The following FSTL5 variants were observed in gnomAD, a reference collection of about 807,000 sequenced individuals.
The protein encoded by FSTL5 is follistatin-related protein 5.
In FSTL5, 62 loss-of-function variants were observed where a neutral mutation model predicts 89.1. That is an observed-to-expected ratio of 0.70 (90% confidence interval 0.57 to 0.86). FSTL5 has a LOEUF of 0.86. FSTL5 is among the 40% of genes least tolerant of loss of function. The pLI is 0.00. For synonymous variants in FSTL5, 383 were observed against 346.2 expected, an observed-to-expected ratio of 1.11 and a Z score of -1.18; for missense variants, 1,057 against 1,001.6, an observed-to-expected ratio of 1.06 and a Z score of -0.75.
At chr4:161,473,226 T>G (rs1734010368) in intron 13 of FSTL5, among the ~76,000 whole-genome samples, 1 of 152,168 alleles carries the variant, frequency 6.6e-6, no homozygotes, top group Non-Finnish European at 1.5e-5. Flanking sequence ...GGTATTTCTA[T>G]CAATTATTGA....
At chr4:161,389,578 C>T (rs575724103) in intron 15 of FSTL5, among the ~76,000 whole-genome samples, 18 of 152,106 alleles carry the variant, frequency 1.2e-4, no homozygotes, top group Admixed American at 2.0e-4. Context: ...TAAGGGCTTT[C>T]ATTCCAAGCT....
chr4:161,979,335 T>C (rs1055532126), intron 3 of FSTL5, among the ~76,000 whole-genome samples: 2 of 152,162 alleles, frequency 1.3e-5, no homozygotes, highest in Non-Finnish European at 2.9e-5. Context: ...CCCACAGATA[T>C]ATGAGGGAAA....
intron 9 of FSTL5, among the ~76,000 whole-genome samples, chr4:161,539,359 A>G (rs1272450204): frequency 6.6e-6 from 1 of 152,112 alleles, no homozygotes; most frequent in Non-Finnish European, 1.5e-5. Context: ...AAACAGCTTG[A>G]TTGCCATCGC....
At chr4:162,138,652 A>G (rs187883264) in intron 1 of FSTL5, among the ~76,000 whole-genome samples, 32 of 152,212 alleles carry the variant, frequency 2.1e-4, no homozygotes, top group Middle Eastern at 3.4e-3. Context: ...AAAAAATAAT[A>G]AAATAAAATC....
intron 3 of FSTL5, among the ~76,000 whole-genome samples, chr4:161,932,130 G>A (rs534878087): frequency 2.0e-5 from 3 of 151,778 alleles, no homozygotes; most frequent in Non-Finnish European, 4.4e-5. Context: ...CAAAAAATAG[G>A]GTTCAAGTTG....
chr4:161,936,360 A>C (rs1363630617), intron 3 of FSTL5, among the ~76,000 whole-genome samples: 1 of 152,190 alleles, frequency 6.6e-6, no homozygotes, highest in African/African-American at 2.4e-5. Flanking sequence ...GGTATATTGA[A>C]GATATAAACA....
chr4:162,093,195 C>T (rs1730616588), intron 2 of FSTL5, among the ~76,000 whole-genome samples: 1 of 152,050 alleles, frequency 6.6e-6, no homozygotes. Flanking sequence ...TTCAGTGTTA[C>T]AATAGATACA....
chr4:161,775,183 A>G (rs1741363197), intron 5 of FSTL5, among the ~76,000 whole-genome samples: 1 of 152,152 alleles, frequency 6.6e-6, no homozygotes. Context: ...CCCCAAACCT[A>G]TATTCACTGT....
chr4:161,423,101 A>C (rs1732044233), intron 15 of FSTL5, among the ~76,000 whole-genome samples: 2 of 152,204 alleles, frequency 1.3e-5, no homozygotes, highest in Non-Finnish European at 2.9e-5. Context: ...CTTTATGTTT[A>C]AAAACTGATG....
intron 6 of FSTL5, among the ~76,000 whole-genome samples, chr4:161,703,194 C>G (rs1057381018): frequency 6.6e-6 from 1 of 152,040 alleles, no homozygotes; most frequent in Non-Finnish European, 1.5e-5. Context: ...AAATATATAT[C>G]TCTTATTTCA....
In FSTL5 at chr4:161,795,518, T is replaced by C. The variant is rs145892064; in HGVS notation, c.410-19444A>G. ...TCCTTCCTTCCTTTTGAAAAAATGA[T>C]TGTATATATTTAATGTGTTCAACAT... On this transcript the variant is annotated intron_variant, in intron 4 of 15. Coordinates refer to ENST00000306100, the MANE Select transcript of FSTL5 (RefSeq NM_020116.5). Among the ~76,000 whole-genome samples, 3 of 152,198 alleles carry C rather than the reference T, an allele frequency of 2.0e-5. No individual in the cohort carries two copies. The East Asian group carries it at 5.8e-4, about 29-fold the overall frequency.
chr4:161,719,915 A>G lies in FSTL5; in HGVS notation c.727+39496T>C, dbSNP rs149789295. 6.4e-3 allele frequency among the ~76,000 whole-genome samples: 977 copies of G among 152,242 alleles called. 11 individuals are homozygous for G. Among genetic ancestry groups the G allele is most frequent in the African/African-American group, 0.022 (905 of 41,556 alleles). ...ACAAAAATCAACTCAAAATGGGTTG[A>G]AAGACTTAAACGTAAGACTCAAAAC... On this transcript the variant is annotated intron_variant, in intron 6 of 15. Transcript: ENST00000306100.
chr4:161,521,385 C>A lies in FSTL5; in HGVS notation c.1313-10961G>T, dbSNP rs189307574. The stretch of plus-strand genomic sequence containing the variant: ...TACATTAATATTAATACATTAAATC[C>A]TCTGGTCATAATGCTACCTGATTTT... On this transcript the variant is annotated intron_variant, in intron 10 of 15. Coordinates refer to ENST00000306100, the MANE Select transcript of FSTL5 (RefSeq NM_020116.5). Among the ~76,000 whole-genome samples, 5 of 151,940 alleles carry A rather than the reference C, an allele frequency of 3.3e-5. No individual in the cohort carries two copies. The East Asian group carries it at 9.7e-4, about 29-fold the overall frequency.
At chr4:161,791,380 A>G (rs545800754) in intron 4 of FSTL5, among the ~76,000 whole-genome samples, 59 of 138,134 alleles carry the variant, frequency 4.3e-4, no homozygotes, top group African/African-American at 1.5e-3. Context: ...TAGTAATTTC[A>G]AGTATCTTAA....
At chr4:161,575,566 G>A (rs1308569645) in intron 8 of FSTL5, among the ~76,000 whole-genome samples, 1 of 151,902 alleles carries the variant, frequency 6.6e-6, no homozygotes, top group Non-Finnish European at 1.5e-5. Flanking sequence ...TGAATCTCCT[G>A]CCTCAGCCTC....
intron 4 of FSTL5, among the ~76,000 whole-genome samples, chr4:161,913,868 T>C (rs1360415001): frequency 6.6e-6 from 1 of 152,190 alleles, no homozygotes; most frequent in African/African-American, 2.4e-5. Flanking sequence ...ATCTAGGAAG[T>C]AATTAGCTTG....
Position 161,455,134 on chromosome 4 carries a change from G to C in FSTL5, c.1717-6C>G, listed in dbSNP as rs1278010513. The stretch of plus-strand genomic sequence containing the variant: ...CCACTGGCCAGGGTAATTACCTAAA[G>C]AGAACACACCTTGGTTAGACCTCAA... On this transcript the variant is annotated splice_polypyrimidine_tract_variant and splice_region_variant and intron_variant, in intron 14 of 15. Transcript: ENST00000306100. 6.3e-7 allele frequency: 1 copy of C among 1,598,744 alleles called. No individual in the cohort carries two copies. Among genetic ancestry groups the C allele is most frequent in the Non-Finnish European group, 8.5e-7 (1 of 1,174,032 alleles).
At chr4:161,747,432 A>G (rs1740238072) in intron 6 of FSTL5, among the ~76,000 whole-genome samples, 2 of 152,122 alleles carry the variant, frequency 1.3e-5, no homozygotes, top group Admixed American at 1.3e-4. Flanking sequence ...AAAATGCCTG[A>G]TTTACTTGTT....
rs1736380913 is a variant in FSTL5 at position 161,998,882 on chromosome 4, A to G, written c.160+34743T>C. The stretch of plus-strand genomic sequence containing the variant: ...AACACACACACACACACACACACAC[A>G]CACACACACACGAGTCAGGTTGGAA... On this transcript the variant is annotated intron_variant, in intron 3 of 15. Coordinates refer to ENST00000306100, the MANE Select transcript of FSTL5 (RefSeq NM_020116.5). 3.3e-5 allele frequency among the ~76,000 whole-genome samples: 5 copies of G among 151,586 alleles called. No homozygotes were observed. The South Asian group carries it at 8.3e-4, about 25-fold the overall frequency.
Sources: gnomAD v4.1 joint callset for allele counts (sites outside exome capture counted in the v4.1 genomes callset) on GRCh38, gnomAD v4.1.1 for gene constraint, MANE v1.5 for transcripts, NCBI Gene and HGNC (gene_info 2026-07-23, HGNC 2026-07-21) for gene names.